Variants in COL14A1 observed in about 807,000 individuals in gnomAD.
COL14A1 encodes collagen alpha-1(XIV) chain.
A neutral mutation model predicts 230.3 loss-of-function variants in COL14A1; 136 were observed. The observed-to-expected ratio is 0.59, with a 90% CI of 0.51 to 0.68. The LOEUF is 0.68. Ranked by LOEUF, COL14A1 falls within the 30% of genes least tolerant of loss-of-function variation. The pLI is 0.00. For missense variants in COL14A1, 1,976 were observed against 2,215.8 expected (o/e 0.89, Z 2.17); for synonymous variants, 792 against 784.1 (o/e 1.01, Z -0.17).
chr8:120,172,550 G>T (rs1159868258), intron 5 of COL14A1, among the ~76,000 whole-genome samples: 2 of 152,128 alleles, frequency 1.3e-5, no homozygotes, highest in African/African-American at 4.8e-5. Context: ...TGTGGAAATT[G>T]TTCACAGCAT....
intron 34 of COL14A1, among the ~76,000 whole-genome samples, chr8:120,296,341 G>T (rs1438591021): frequency 6.6e-6 from 1 of 151,966 alleles, no homozygotes; most frequent in Non-Finnish European, 1.5e-5. Flanking sequence ...ATAATTACTT[G>T]AGTATAATGA....
chr8:120,355,532 C>T (rs1301922975), intron 45 of COL14A1, among the ~76,000 whole-genome samples: 1 of 151,808 alleles, frequency 6.6e-6, no homozygotes, highest in Non-Finnish European at 1.5e-5. Context: ...CCTGCCTCAG[C>T]TTCCCAAGTA....
At chr8:120,331,983 A>G (rs572678206) in intron 40 of COL14A1, among the ~76,000 whole-genome samples, 158 bp from the exon 41 acceptor site, 2 of 152,328 alleles carry the variant, frequency 1.3e-5, no homozygotes, top group South Asian at 4.1e-4. Context: ...AACCTTGCCA[A>G]AAACAATTTC....
Position 120,339,572 on chromosome 8 carries a change from C to T in COL14A1, c.4786-1753C>T, listed in dbSNP as rs537241912. Among the ~76,000 whole-genome samples, 14 of 152,252 alleles carry T rather than the reference C, an allele frequency of 9.2e-5. No homozygotes were observed. In the South Asian group the frequency reaches 2.3e-3, roughly 25 times the overall value. On this transcript the variant is annotated intron_variant, in intron 42 of 47. Coordinates refer to ENST00000297848, the MANE Select transcript of COL14A1 (RefSeq NM_021110.4). ...CCCAGAGATCACTTCATTTAGTGGCCTCATCTTACAAAGAAACTCAGAGAG... is the reference window on the plus strand; with the variant it reads ...CCCAGAGATCACTTCATTTAGTGGCTTCATCTTACAAAGAAACTCAGAGAG...
At chr8:120,262,467 A>T (rs1467258070) in intron 23 of COL14A1, among the ~76,000 whole-genome samples, 1 of 152,030 alleles carries the variant, frequency 6.6e-6, no homozygotes, top group African/African-American at 2.4e-5. Flanking sequence ...GTGGGACTCC[A>T]TCTCAGAAAA....
At chr8:120,195,469 A>G (rs1817003448) in intron 5 of COL14A1, among the ~76,000 whole-genome samples, 1 of 152,198 alleles carries the variant, frequency 6.6e-6, no homozygotes, top group Admixed American at 6.5e-5. Context: ...AGCACAGACC[A>G]GAGTTCGAAG....
At chr8:120,140,589 T>C (rs1734077152) in intron 1 of COL14A1, among the ~76,000 whole-genome samples, 1 of 152,212 alleles carries the variant, frequency 6.6e-6, no homozygotes, top group African/African-American at 2.4e-5. Flanking sequence ...TCACCAACGA[T>C]TGAATACAAT....
At chr8:120,340,674 C>T (rs903761118) in intron 42 of COL14A1, among the ~76,000 whole-genome samples, 3 of 152,128 alleles carry the variant, frequency 2.0e-5, no homozygotes, top group Admixed American at 6.5e-5. Context: ...AAAGTAGATG[C>T]GCTTTAATAA....
chr8:120,129,688 T>G (rs1169060250), intron 1 of COL14A1, among the ~76,000 whole-genome samples: 1 of 152,216 alleles, frequency 6.6e-6, no homozygotes, highest in Non-Finnish European at 1.5e-5. Context: ...AAAACAGTTC[T>G]GTTTTATCTG....
chr8:120,171,418 C>A (rs1384614739), intron 5 of COL14A1, among the ~76,000 whole-genome samples: 2 of 152,286 alleles, frequency 1.3e-5, no homozygotes, highest in African/African-American at 4.8e-5. Flanking sequence ...CTTCCCTTCA[C>A]AGAAGATCTG....
Position 120,212,551 on chromosome 8 carries a change from A to G in COL14A1, c.1571A>G (p.Asp524Gly). 6.2e-7 allele frequency: 1 copy of G among 1,613,624 alleles called. No homozygotes were observed. Among genetic ancestry groups the G allele is most frequent in the East Asian group, 2.2e-5 (1 of 44,846 alleles). Residue 524 changes from aspartate to glycine, a missense_variant, in exon 13 of 48, where the codon GAT becomes GGT. Asp to Gly is a moderately conservative substitution (Grantham distance 94). Transcript: ENST00000297848. ...GCCATGTTTGGAGAAGAGGCCAGTGATCCTGTTACGGGACAAGAAACAACA... is the reference window on the plus strand; with the variant it reads ...GCCATGTTTGGAGAAGAGGCCAGTGGTCCTGTTACGGGACAAGAAACAACA... ...VYAMFGEEAS[D>G]PVTGQETTLA... is the part of the protein sequence containing the mutation.
chr8:120,263,756 T>C (rs563922854), intron 24 of COL14A1, among the ~76,000 whole-genome samples: 1 of 152,230 alleles, frequency 6.6e-6, no homozygotes, highest in Admixed American at 6.5e-5. Flanking sequence ...TGGTGACCCG[T>C]CTATCATGTA....
At position 120,286,351 on chromosome 8, in the gene COL14A1, C is replaced by T. The variant is rs1366134916; in HGVS notation, c.4077+381C>T. On this transcript the variant is annotated intron_variant, in intron 33 of 47. Transcript: ENST00000297848. ...TGAGTGCAGAAGAAAGCACAATCAG[C>T]TGAATCATCTTAAAATGTGCAGATA... Among the ~76,000 whole-genome samples, 6 of 152,090 alleles carry T rather than the reference C, an allele frequency of 3.9e-5. No individual in the cohort carries two copies. In the East Asian group the frequency reaches 1.2e-3, roughly 29 times the overall value.
At chr8:120,251,819 T>C (rs181435513) in intron 22 of COL14A1, among the ~76,000 whole-genome samples, 5 of 152,288 alleles carry the variant, frequency 3.3e-5, no homozygotes, top group African/African-American at 1.2e-4. Context: ...TCAATATGAA[T>C]CCTTAGCTTA....
At position 120,194,467 on chromosome 8, in the gene COL14A1, T is replaced by G. The variant is rs923268654; in HGVS notation, c.437-2324T>G. 2.6e-5 allele frequency among the ~76,000 whole-genome samples: 4 copies of G among 152,266 alleles called. No individual in the cohort carries two copies. In the East Asian group the frequency reaches 7.7e-4, roughly 29 times the overall value. Reference sequence around the variant, plus strand: ...TTATGCTTTTATTTTCTTTAAGATGTCTTTTGATGACCAACTTAAACATTT... The same window carrying G: ...TTATGCTTTTATTTTCTTTAAGATGGCTTTTGATGACCAACTTAAACATTT... On this transcript the variant is annotated intron_variant, in intron 5 of 47. Transcript: ENST00000297848.
chr8:120,286,659 G>A (rs1820213777), intron 33 of COL14A1, among the ~76,000 whole-genome samples: 1 of 152,106 alleles, frequency 6.6e-6, no homozygotes, highest in South Asian at 2.1e-4. Context: ...ACAGGCATCT[G>A]CCACCATGCT....
intron 40 of COL14A1, among the ~76,000 whole-genome samples, chr8:120,331,074 C>T (rs1033703603): frequency 4.3e-5 from 6 of 138,982 alleles, no homozygotes; most frequent in Non-Finnish European, 7.5e-5. Context: ...CATTGCACTC[C>T]AGCCTGGGCA....
Position 120,212,587 on chromosome 8 carries a change from A to G in COL14A1, c.1597+10A>G. 1 of 1,613,034 alleles carries G rather than the reference A, an allele frequency of 6.2e-7. No homozygotes were observed. Among genetic ancestry groups the G allele is most frequent in the South Asian group, 1.1e-5 (1 of 91,044 alleles). On this transcript the variant is annotated intron_variant, in intron 13 of 47. Coordinates refer to ENST00000297848, the MANE Select transcript of COL14A1 (RefSeq NM_021110.4). ...GGACAAGAAACAACATGTGAGCAGCACAGCCATTCAGTTGGGATGCTGTAG... is the reference window on the plus strand; with the variant it reads ...GGACAAGAAACAACATGTGAGCAGCGCAGCCATTCAGTTGGGATGCTGTAG...
At chr8:120,210,263 T>G (rs1817580423) in intron 12 of COL14A1, among the ~76,000 whole-genome samples, 1 of 152,232 alleles carries the variant, frequency 6.6e-6, no homozygotes, top group Non-Finnish European at 1.5e-5. Flanking sequence ...ATTGGATATT[T>G]AGATAGCTTG....
Sources: gnomAD v4.1 joint callset for allele counts (sites outside exome capture counted in the v4.1 genomes callset) on GRCh38, gnomAD v4.1.1 for gene constraint, MANE v1.5 for transcripts, NCBI Gene and HGNC (gene_info 2026-07-23, HGNC 2026-07-21) for gene names.